DST: variants seen among roughly 807,000 people sequenced by gnomAD.
DST encodes the protein dystonin, also known as bullous pemphigoid antigen.
A neutral mutation model predicts 875.2 loss-of-function variants in DST; 253 were observed. The observed-to-expected ratio is 0.29, with a 90% CI of 0.26 to 0.32. The LOEUF (loss-of-function observed/expected upper bound fraction) is 0.32, where lower values mean the gene tolerates loss of function less well. DST is among the 10% of genes least tolerant of loss of function. The pLI, the probability that DST is intolerant of heterozygous loss-of-function variation, is 1.00. For missense variants in DST, 8,287 were observed against 9,111.6 expected (o/e 0.91, Z 3.68); for synonymous variants, 3,124 against 3,197.1 (o/e 0.98, Z 0.77).
In DST at chr6:56,605,520, T is replaced by C. The variant is rs750310963; in HGVS notation, c.9108A>G (p.Arg3036=). 1 of 1,613,070 alleles carries C rather than the reference T, an allele frequency of 6.2e-7. No homozygotes were observed. The highest frequency in any genetic ancestry group is 8.5e-7 in the Non-Finnish European group (1 of 1,179,358). ...CTATTAGAATATCACTTTTGCCATC[T>C]CTCCCTTTAATGAGATCGCTTCCAT... is the stretch of plus-strand genomic sequence containing the variant. ...QGNGSDLIKG[R]DGKSDILIED... is the part of the protein sequence containing the mutation. Residue 3036 remains arginine, a synonymous_variant, in exon 40 of 104, where the codon AGA becomes AGG. Coordinates refer to ENST00000680361, the MANE Select transcript of DST (RefSeq NM_001374736.1).
At chr6:56,818,282 A>G (rs1446940602) in intron 4 of DST, among the ~76,000 whole-genome samples, 1 of 152,048 alleles carries the variant, frequency 6.6e-6, no homozygotes, top group African/African-American at 2.4e-5. Flanking sequence ...AACAAGGACC[A>G]CTGTTATCAT....
At chr6:56,645,800 C>G in intron 15 of DST, 66 bp downstream of exon 15, 1 of 1,575,498 alleles carries the variant, frequency 6.3e-7, no homozygotes. Context: ...AACTTAAGTT[C>G]TTTCACAAGA....
chr6:56,697,180 T>A (rs2099268573), intron 9 of DST, among the ~76,000 whole-genome samples: 1 of 152,182 alleles, frequency 6.6e-6, no homozygotes, highest in Non-Finnish European at 1.5e-5. Context: ...TAAAAAGTTT[T>A]GTTATCTTTA....
At chr6:56,827,770 G>T (rs751363353) in intron 4 of DST, among the ~76,000 whole-genome samples, 3 of 152,142 alleles carry the variant, frequency 2.0e-5, no homozygotes, top group Non-Finnish European at 4.4e-5. Flanking sequence ...ACTAAGCAGG[G>T]GCGGAAGAGT....
rs754002684 is a variant in DST, at chr6:56,640,263, C to T, written c.2370G>A (p.Leu790=). 6.2e-7 allele frequency: 1 copy of T among 1,614,040 alleles called. No homozygotes were observed. The highest frequency in any genetic ancestry group is 1.3e-5 in the African/African-American group (1 of 74,920). ...SGVEPNSLQT[L]KLMQIRKPLL... ...GGGGTTTTCGGATCTGCATCAACTT[C>T]AAAGTTTGCAATGAATTTGGCTCTA... The change falls in exon 18 of 104, where the codon TTG becomes TTA. Residue 790 remains leucine, a synonymous_variant. Transcript: ENST00000680361.
intron 4 of DST, among the ~76,000 whole-genome samples, chr6:56,808,710 A>G (rs2099756287): frequency 6.6e-6 from 1 of 152,230 alleles, no homozygotes; most frequent in South Asian, 2.1e-4. Context: ...AGTAAGATGT[A>G]TTCTACAATT....
intron 9 of DST, among the ~76,000 whole-genome samples, chr6:56,681,416 T>C (rs2099156829): frequency 6.6e-6 from 1 of 152,170 alleles, no homozygotes; most frequent in South Asian, 2.1e-4. Context: ...ACTATGCATT[T>C]ATATGTACCA....
At chr6:56,632,137 A>G (rs2098786498) in intron 28 of DST, 97 bp from the exon 29 acceptor site, 1 of 831,234 alleles carries the variant, frequency 1.2e-6, no homozygotes, top group East Asian at 2.6e-5. Flanking sequence ...ACTGGGACAC[A>G]GCTAGTCAAG....
chr6:56,579,429 A>G (rs2097924132), intron 49 of DST, among the ~76,000 whole-genome samples: 1 of 152,188 alleles, frequency 6.6e-6, no homozygotes, highest in Non-Finnish European at 1.5e-5. Flanking sequence ...ACAAATTCAA[A>G]AAGCCTTGCT....
rs2152707656 is a variant in DST at position 56,604,164 on chromosome 6, C to T, written c.10464G>A (p.Gln3488=). ...GCAGTTTGTAGAAAATATTTTCAAGCTGCAGTGGAAGTACTTTAGACGTAA... is the reference window on the plus strand; with the variant it reads ...GCAGTTTGTAGAAAATATTTTCAAGTTGCAGTGGAAGTACTTTAGACGTAA... ...RGITSKVLPL[Q]LENIFYKLLA... Residue 3488 remains glutamine, a synonymous_variant, in exon 40 of 104, where the codon CAG becomes CAA. Coordinates refer to ENST00000680361, the MANE Select transcript of DST (RefSeq NM_001374736.1). 6.3e-7 allele frequency: 1 copy of T among 1,595,172 alleles called. No homozygotes were observed. The highest frequency in any genetic ancestry group is 8.6e-7 in the Non-Finnish European group (1 of 1,169,164).
chr6:56,572,029 T>A, intron 53 of DST, 71 bp downstream of exon 53: 1 of 862,160 alleles, frequency 1.2e-6, no homozygotes, highest in African/African-American at 1.8e-5. Context: ...GTTATCTATA[T>A]AAGTAAATAC....
intron 2 of DST, among the ~76,000 whole-genome samples, chr6:56,931,420 G>T (rs1355624112): frequency 6.6e-6 from 1 of 152,234 alleles, no homozygotes; most frequent in Non-Finnish European, 1.5e-5. Flanking sequence ...GGGCAGTGCA[G>T]AAGAGAAATG....
intron 4 of DST, among the ~76,000 whole-genome samples, chr6:56,787,798 A>G (rs889501241): frequency 6.6e-6 from 1 of 152,180 alleles, no homozygotes; most frequent in Non-Finnish European, 1.5e-5. Flanking sequence ...TTAAATGAAT[A>G]TTAGGTAAGA....
At chr6:56,537,590 T>C (rs1393471808) in intron 61 of DST, among the ~76,000 whole-genome samples, 1 of 152,212 alleles carries the variant, frequency 6.6e-6, no homozygotes, top group African/African-American at 2.4e-5. Flanking sequence ...CAATGGACTC[T>C]CAAGAAATAC....
intron 3 of DST, among the ~76,000 whole-genome samples, chr6:56,859,130 A>C (rs1274566873): frequency 6.6e-6 from 1 of 152,214 alleles, no homozygotes; most frequent in Non-Finnish European, 1.5e-5. Flanking sequence ...GACAGGTATC[A>C]GTTCACAACA....
intron 63 of DST, among the ~76,000 whole-genome samples, chr6:56,533,910 G>A (rs2096944041): frequency 6.6e-6 from 1 of 151,778 alleles, no homozygotes. Flanking sequence ...AAAAATTGAG[G>A]GTAAATGTGG....
At chr6:56,492,001 G>A (rs1237504217) in intron 85 of DST, among the ~76,000 whole-genome samples, 1 of 152,202 alleles carries the variant, frequency 6.6e-6, no homozygotes, top group African/African-American at 2.4e-5. Flanking sequence ...GCTATAATCA[G>A]TCTTCTTAAG....
rs2097795733 is a variant in DST at position 56,572,697 on chromosome 6, C to T, written c.13554+50G>A. 10 of 1,394,320 alleles carry T rather than the reference C, an allele frequency of 7.2e-6. No individual in the cohort carries two copies. The East Asian group carries it at 1.2e-4, about 16-fold the overall frequency. The allele number at this position is 1,394,320 out of a possible 1,614,324, so 86.4% of individuals were successfully genotyped here. On this transcript the variant is annotated intron_variant, in intron 52 of 103. Coordinates refer to ENST00000680361, the MANE Select transcript of DST (RefSeq NM_001374736.1). ...CTGGCACTAAGTATATGAGTTTGCC[C>T]TAACTATTAATCTATCTGATTAGCC...
At chr6:56,713,749 T>C (rs1212745540) in intron 5 of DST, among the ~76,000 whole-genome samples, 1 of 152,222 alleles carries the variant, frequency 6.6e-6, no homozygotes, top group Admixed American at 6.5e-5. Context: ...ACACAAGTGG[T>C]TGCTTCATCT....
Sources: allele counts gnomAD v4.1 joint callset (sites outside exome capture counted in the v4.1 genomes callset), GRCh38; gene constraint gnomAD v4.1.1; transcripts MANE v1.5; gene names NCBI Gene and HGNC (gene_info 2026-07-23, HGNC 2026-07-21).